Variants in LSAMP observed in about 807,000 individuals in gnomAD.
LSAMP encodes limbic system-associated membrane protein.
A neutral mutation model predicts 38.6 loss-of-function variants in LSAMP; 7 were observed. The ratio of observed to expected loss-of-function variants is 0.18; its 90% CI spans 0.10 to 0.34. The LOEUF is 0.34. Ranked by LOEUF, LSAMP falls within the 10% of genes least tolerant of loss-of-function variation. The pLI, the probability that LSAMP is intolerant of heterozygous loss-of-function variation, is 1.00. For missense variants in LSAMP, 313 were observed against 420.0 expected, an observed-to-expected ratio of 0.75 and a Z score of 2.23; for synonymous variants, 154 against 166.8, an observed-to-expected ratio of 0.92 and a Z score of 0.59.
At chr3:116,190,633 AG>A (rs1710734622) in intron 1 of LSAMP, among the ~76,000 whole-genome samples, 1 of 152,224 alleles carries the variant, frequency 6.6e-6, no homozygotes, top group African/African-American at 2.4e-5. Context: ...GACAGTGGAA[AG>A]CTACAAGGAA....
At chr3:116,403,806 AG>A (rs796557178) in intron 1 of LSAMP, among the ~76,000 whole-genome samples, 5 of 151,790 alleles carry the variant, frequency 3.3e-5, no homozygotes, top group African/African-American at 7.2e-5. Flanking sequence ...GTTGGAGTGC[AG>A]GGGGGGTGAT....
At chr3:115,900,130 G>T (rs531880193) in intron 3 of LSAMP, among the ~76,000 whole-genome samples, 1 of 152,152 alleles carries the variant, frequency 6.6e-6, no homozygotes, top group African/African-American at 2.4e-5. Flanking sequence ...TTCAGTGTGG[G>T]TTGTGACCTT....
chr3:115,889,672 A>G (rs1323232193), intron 3 of LSAMP, among the ~76,000 whole-genome samples: 1 of 151,938 alleles, frequency 6.6e-6, no homozygotes, highest in East Asian at 1.9e-4. Flanking sequence ...AGAGATTAAT[A>G]GTCTGTAATT....
chr3:116,171,186 A>C (rs1297251467), intron 1 of LSAMP, among the ~76,000 whole-genome samples: 1 of 152,180 alleles, frequency 6.6e-6, no homozygotes, highest in Non-Finnish European at 1.5e-5. Flanking sequence ...TACATGGGTT[A>C]ATACAAATCA....
At chr3:116,023,228 C>T (rs1940688321) in intron 2 of LSAMP, among the ~76,000 whole-genome samples, 2 of 151,930 alleles carry the variant, frequency 1.3e-5, no homozygotes, top group African/African-American at 4.8e-5. Context: ...CCAGTCCCTA[C>T]TCCCACTAAC....
rs531281663 is a variant in LSAMP at position 116,123,290 on chromosome 3, G to C, written c.156-36734C>G. Among the ~76,000 whole-genome samples, 3 of 152,280 alleles carry C rather than the reference G, an allele frequency of 2.0e-5. No homozygotes were observed. In the South Asian group the frequency reaches 6.2e-4, roughly 32 times the overall value. ...AAGTGGCCAAAGGCCACCAGAGGAGGCCATGACACCTCCTCCAGTCGTGGG... is the reference window on the plus strand; with the variant it reads ...AAGTGGCCAAAGGCCACCAGAGGAGCCCATGACACCTCCTCCAGTCGTGGG... On this transcript the variant is annotated intron_variant, in intron 1 of 6. Transcript: ENST00000490035.
intron 2 of LSAMP, among the ~76,000 whole-genome samples, chr3:116,085,290 A>G (rs573610080): frequency 1.1e-3 from 171 of 152,288 alleles, no homozygotes; most frequent in African/African-American, 3.8e-3. Flanking sequence ...GCAGTCTCTG[A>G]TGTATTTTAT....
At chr3:116,025,920 C>A (rs1421544072) in intron 2 of LSAMP, among the ~76,000 whole-genome samples, 2 of 151,954 alleles carry the variant, frequency 1.3e-5, no homozygotes, top group East Asian at 3.8e-4. Context: ...TATTGAAATG[C>A]ACATAAATTC....
chr3:116,010,617 C>T (rs567094567), intron 3 of LSAMP, among the ~76,000 whole-genome samples: 109 of 152,278 alleles, frequency 7.2e-4, no homozygotes, highest in Non-Finnish European at 1.4e-3. Context: ...TGGGAGGATT[C>T]GCCATAGAAC....
intron 3 of LSAMP, among the ~76,000 whole-genome samples, chr3:115,939,659 A>G (rs1264212833): frequency 3.3e-5 from 5 of 151,190 alleles, no homozygotes; most frequent in Non-Finnish European, 5.9e-5. Flanking sequence ...GGCTCAAGTG[A>G]TCCTCCCACT....
chr3:116,440,397 CCAGTGACT>C (rs1193261758), intron 1 of LSAMP, among the ~76,000 whole-genome samples: 2 of 152,218 alleles, frequency 1.3e-5, no homozygotes, highest in Admixed American at 6.5e-5. Flanking sequence ...TTAACCCTCA[CCAGTGACT>C]CAGTGGATGA....
chr3:115,860,740 T>C (rs927280720), intron 3 of LSAMP, among the ~76,000 whole-genome samples: 1 of 152,128 alleles, frequency 6.6e-6, no homozygotes, highest in African/African-American at 2.4e-5. Flanking sequence ...ACAGAGACAG[T>C]GTAGAGTAGA....
intron 1 of LSAMP, among the ~76,000 whole-genome samples, chr3:116,149,426 C>T (rs932656588): frequency 3.3e-5 from 5 of 151,864 alleles, no homozygotes; most frequent in Non-Finnish European, 7.4e-5. Flanking sequence ...TTTTACAGTC[C>T]CTTTGACCAT....
intron 1 of LSAMP, among the ~76,000 whole-genome samples, chr3:116,391,748 G>A (rs888298433): frequency 1.3e-5 from 2 of 152,190 alleles, no homozygotes; most frequent in African/African-American, 2.4e-5. Context: ...AGCCCGGGGT[G>A]AGAAATGGGA....
At chr3:116,257,513 C>G (rs1479252200) in intron 1 of LSAMP, among the ~76,000 whole-genome samples, 1 of 151,738 alleles carries the variant, frequency 6.6e-6, no homozygotes, top group African/African-American at 2.4e-5. Context: ...TTTTATGAAA[C>G]AAATTTGGAT....
chr3:116,431,044 T>C (rs944691710), intron 1 of LSAMP, among the ~76,000 whole-genome samples: 1 of 152,096 alleles, frequency 6.6e-6, no homozygotes, highest in African/African-American at 2.4e-5. Flanking sequence ...CATATTTACC[T>C]TATAATTCCA....
In LSAMP at chr3:116,394,529, G is replaced by C. The variant is rs891144059; in HGVS notation, c.155+50348C>G. Among the ~76,000 whole-genome samples the C allele has an allele frequency of 2.0e-5, 3 of 152,028 alleles. No individual in the cohort carries two copies. The South Asian group carries it at 6.2e-4, about 32-fold the overall frequency. On this transcript the variant is annotated intron_variant, in intron 1 of 6. Transcript: ENST00000490035. ...CACCTCCACACACACAAGTCCTTTC[G>C]TGTAACAGATGCCAACCTGCTATAA...
intron 3 of LSAMP, among the ~76,000 whole-genome samples, chr3:115,859,294 G>A (rs894740615): frequency 1.3e-5 from 2 of 152,092 alleles, no homozygotes; most frequent in Non-Finnish European, 2.9e-5. Flanking sequence ...GTCGTCAAAA[G>A]CAACAACCAC....
chr3:116,145,608 A>T (rs1267404855), intron 1 of LSAMP, among the ~76,000 whole-genome samples: 1 of 151,984 alleles, frequency 6.6e-6, no homozygotes, highest in African/African-American at 2.4e-5. Context: ...CCCAAAAAAT[A>T]CCTTCACAGC....
Sources: gnomAD v4.1 joint callset for allele counts (sites outside exome capture counted in the v4.1 genomes callset) on GRCh38, gnomAD v4.1.1 for gene constraint, MANE v1.5 for transcripts, NCBI Gene and HGNC (gene_info 2026-07-23, HGNC 2026-07-21) for gene names.